Variants in ANTXR1 observed in about 807,000 individuals in gnomAD.
ANTXR1 encodes anthrax toxin receptor 1.
In ANTXR1, 19 loss-of-function variants were observed where a neutral mutation model predicts 78.1. The observed-to-expected ratio is 0.24, with a 90% confidence interval of 0.17 to 0.36. ANTXR1 has a LOEUF of 0.36. Among genes scored for constraint, ANTXR1 ranks in the 10% least tolerant of loss-of-function variants. The pLI, the probability that ANTXR1 is intolerant of heterozygous loss-of-function variation, is 1.00. For synonymous variants in ANTXR1, 273 were observed against 260.5 expected, an observed-to-expected ratio of 1.05 and a Z score of -0.46; for missense variants, 518 against 718.6, an observed-to-expected ratio of 0.72 and a Z score of 3.19.
At chr2:69,148,703 CATT>C (rs1391550154) in intron 12 of ANTXR1, among the ~76,000 whole-genome samples, 1 of 152,226 alleles carries the variant, frequency 6.6e-6, no homozygotes, top group Non-Finnish European at 1.5e-5. Context: ...TTATTACCAT[CATT>C]GTCATTATTC....
chr2:69,221,932 A>G (rs1359899100), intron 17 of ANTXR1, among the ~76,000 whole-genome samples: 1 of 152,168 alleles, frequency 6.6e-6, no homozygotes. Flanking sequence ...GCTTTAAGGG[A>G]TGACTATAGA....
intron 3 of ANTXR1, among the ~76,000 whole-genome samples, chr2:69,050,595 GAT>G (rs141794835): frequency 0.052 from 7,824 of 151,854 alleles, 626 homozygotes; most frequent in African/African-American, 0.18. Flanking sequence ...TTCAAAGTTT[GAT>G]ATAACTCAGA....
chr2:69,173,885 A>G (rs1364281831), intron 14 of ANTXR1, among the ~76,000 whole-genome samples: 2 of 152,214 alleles, frequency 1.3e-5, no homozygotes, highest in African/African-American at 4.8e-5. Context: ...GTCTCACTCT[A>G]TCAAAGGCAT....
chr2:69,192,548 G>T (rs1466137410), intron 16 of ANTXR1, among the ~76,000 whole-genome samples: 2 of 152,128 alleles, frequency 1.3e-5, no homozygotes, highest in Non-Finnish European at 2.9e-5. Context: ...GAGCCCACCG[G>T]ATAGTCCAGG....
intron 13 of ANTXR1, among the ~76,000 whole-genome samples, chr2:69,169,406 A>G (rs1417758582): frequency 1.3e-5 from 2 of 152,250 alleles, no homozygotes; most frequent in African/African-American, 2.4e-5. Flanking sequence ...AATGCCATGT[A>G]AGAGACTCTA....
intron 8 of ANTXR1, among the ~76,000 whole-genome samples, chr2:69,083,126 C>T (rs1670946865): frequency 6.6e-6 from 1 of 152,218 alleles, no homozygotes; most frequent in African/African-American, 2.4e-5. Flanking sequence ...CTGGCCCAGG[C>T]CCTAACAAAG....
At chr2:69,179,489 A>G (rs549485742) in intron 14 of ANTXR1, among the ~76,000 whole-genome samples, 94 of 150,738 alleles carry the variant, frequency 6.2e-4, no homozygotes, top group African/African-American at 2.2e-3. Flanking sequence ...TTGAGGCTGC[A>G]CTCCAGCCTG....
intron 8 of ANTXR1, 62 bp from the exon 9 acceptor site, chr2:69,090,797 C>G (rs538935179): frequency 7.6e-6 from 12 of 1,569,908 alleles, no homozygotes; most frequent in Admixed American, 1.7e-5. Flanking sequence ...AAAGCAGAAC[C>G]CTGATTCTGT....
At chr2:69,072,964 A>G (rs1216187451) in intron 5 of ANTXR1, 58 bp from the exon 6 acceptor site, 1 of 1,478,146 alleles carries the variant, frequency 6.8e-7, no homozygotes, top group Non-Finnish European at 9.4e-7. Context: ...TGGGACTGAG[A>G]GGGTGTTTCC....
intron 10 of ANTXR1, among the ~76,000 whole-genome samples, chr2:69,114,586 C>T (rs1420357861): frequency 6.6e-6 from 1 of 152,206 alleles, no homozygotes; most frequent in Non-Finnish European, 1.5e-5. Context: ...CCAAGACTGC[C>T]CACAGCTCTG....
intron 10 of ANTXR1, among the ~76,000 whole-genome samples, chr2:69,114,831 G>A (rs959604813): frequency 6.6e-5 from 10 of 152,262 alleles, no homozygotes; most frequent in African/African-American, 2.4e-4. Flanking sequence ...CTCCAACCAG[G>A]ACTGGTCTTT....
intron 1 of ANTXR1, among the ~76,000 whole-genome samples, chr2:69,036,441 C>T (rs1669427294): frequency 1.3e-5 from 2 of 151,958 alleles, no homozygotes; most frequent in African/African-American, 4.8e-5. Context: ...CTATAGCCAC[C>T]CTCTTGTGCT....
intron 1 of ANTXR1, among the ~76,000 whole-genome samples, chr2:69,021,643 C>G (rs1307289232): frequency 6.6e-6 from 1 of 152,166 alleles, no homozygotes; most frequent in Non-Finnish European, 1.5e-5. Flanking sequence ...CAGAACTGGT[C>G]AGATAGCCTC....
intron 3 of ANTXR1, among the ~76,000 whole-genome samples, chr2:69,055,822 G>C (rs530766348): frequency 6.6e-6 from 1 of 152,138 alleles, no homozygotes; most frequent in South Asian, 2.1e-4. Context: ...ACCAAGTTTG[G>C]GCACCACAGA....
intron 1 of ANTXR1, among the ~76,000 whole-genome samples, chr2:69,020,759 C>G (rs187159849): frequency 7.9e-5 from 12 of 152,208 alleles, no homozygotes; most frequent in African/African-American, 2.4e-5. Flanking sequence ...TTTGTTGACA[C>G]GTTTTTCAGA....
intron 12 of ANTXR1, among the ~76,000 whole-genome samples, chr2:69,143,806 C>G (rs537821698): frequency 2.0e-5 from 3 of 151,944 alleles, no homozygotes; most frequent in Non-Finnish European, 4.4e-5. Flanking sequence ...AGGTCAGGTA[C>G]AAGAAGAAGC....
At chr2:69,137,835 G>T (rs1672958713) in intron 12 of ANTXR1, among the ~76,000 whole-genome samples, 1 of 149,232 alleles carries the variant, frequency 6.7e-6, no homozygotes, top group Non-Finnish European at 1.5e-5. Flanking sequence ...TATAATCCCA[G>T]CACTTTGGGA....
chr2:69,182,096 G>A (rs768562698), intron 15 of ANTXR1: 12 of 588,078 alleles, frequency 2.0e-5, no homozygotes, highest in Non-Finnish European at 3.4e-5. Flanking sequence ...CAGACGGATG[G>A]AGAGATAGGA....
At chr2:69,210,440 G>T (rs1323391666) in intron 17 of ANTXR1, among the ~76,000 whole-genome samples, 2 of 152,160 alleles carry the variant, frequency 1.3e-5, no homozygotes, top group East Asian at 1.9e-4. Flanking sequence ...TAACCAAAAT[G>T]ATTTTATTCT....
Sources: gnomAD v4.1 joint callset for allele counts (sites outside exome capture counted in the v4.1 genomes callset) on GRCh38, gnomAD v4.1.1 for gene constraint, MANE v1.5 for transcripts, NCBI Gene and HGNC (gene_info 2026-07-23, HGNC 2026-07-21) for gene names.